DOCK4: variants seen among roughly 807,000 people sequenced by gnomAD.
DOCK4 encodes the protein dedicator of cytokinesis 4, also known as dedicator of cytokinesis protein 4.
In DOCK4, 97 loss-of-function variants were observed where a neutral mutation model predicts 268.1. That is an observed-to-expected ratio of 0.36 (90% CI 0.31 to 0.43). The LOEUF is 0.43. Among genes scored for constraint, DOCK4 ranks in the 20% least tolerant of loss-of-function variants. The probability of loss-of-function intolerance (pLI) is 1.00; values close to 1 mark genes in which losing one functional copy is unlikely to be tolerated. For synonymous variants in DOCK4, 954 were observed against 887.2 expected, an observed-to-expected ratio of 1.08 and a Z score of -1.34; for missense variants, 2,145 against 2,455.7, an observed-to-expected ratio of 0.87 and a Z score of 2.67.
intron 13 of DOCK4, among the ~76,000 whole-genome samples, chr7:111,902,261 A>C (rs1791206888): frequency 6.6e-6 from 1 of 152,232 alleles, no homozygotes; most frequent in Non-Finnish European, 1.5e-5. Context: ...AATCTTTTCC[A>C]AAATTCATGG....
rs184344958 is a variant in DOCK4 at position 112,017,510 on chromosome 7, C to T, written c.38-13379G>A. On this transcript the variant is annotated intron_variant, in intron 1 of 52. Coordinates refer to ENST00000428084, the MANE Select transcript of DOCK4 (RefSeq NM_001363540.2). The stretch of plus-strand genomic sequence containing the variant: ...AGAGAGGTCTTGGCAAATGTGGAGA[C>T]ACAATGAACATGAGCTGACTCTTCC... Among the ~76,000 whole-genome samples the T allele has an allele frequency of 2.4e-4, 37 of 152,304 alleles. 1 individual carries two copies. In the East Asian group the frequency reaches 7.1e-3, roughly 29 times the overall value.
intron 1 of DOCK4, among the ~76,000 whole-genome samples, chr7:112,067,854 CA>C (rs1261971811): frequency 6.6e-6 from 1 of 152,208 alleles, no homozygotes; most frequent in Non-Finnish European, 1.5e-5. Context: ...TCTATCAGCA[CA>C]AACCCTGGCT....
At chr7:112,171,174 C>T (rs1051041650) in intron 1 of DOCK4, among the ~76,000 whole-genome samples, 1 of 152,224 alleles carries the variant, frequency 6.6e-6, no homozygotes, top group Non-Finnish European at 1.5e-5. Flanking sequence ...TAAGCTTCCA[C>T]ATTTTCATAT....
At chr7:112,125,675 A>C (rs899649008) in intron 1 of DOCK4, among the ~76,000 whole-genome samples, 5 of 152,222 alleles carry the variant, frequency 3.3e-5, no homozygotes, top group Admixed American at 3.3e-4. Flanking sequence ...CTTATCTGAA[A>C]AACAGGTATT....
At chr7:111,862,451 C>A (rs1196609008) in intron 23 of DOCK4, among the ~76,000 whole-genome samples, 2 of 147,372 alleles carry the variant, frequency 1.4e-5, no homozygotes, top group Non-Finnish European at 3.0e-5. Context: ...AAAAATCATA[C>A]ATACACACAC....
chr7:111,835,915 C>T (rs1231178482), intron 25 of DOCK4, among the ~76,000 whole-genome samples: 2 of 152,114 alleles, frequency 1.3e-5, no homozygotes, highest in East Asian at 1.9e-4. Flanking sequence ...ATTTGCAACA[C>T]ACAGGTATGA....
In DOCK4 at chr7:112,057,407, C is replaced by T. The variant is rs575522153; in HGVS notation, c.38-53276G>A. Among the ~76,000 whole-genome samples, 36 of 151,942 alleles carry T rather than the reference C, an allele frequency of 2.4e-4. 2 individuals are homozygous for T. Among genetic ancestry groups the T allele is most frequent in the African/African-American group, 8.2e-4 (34 of 41,448 alleles). On this transcript the variant is annotated intron_variant, in intron 1 of 52. Coordinates refer to ENST00000428084, the MANE Select transcript of DOCK4 (RefSeq NM_001363540.2). Reference sequence around the variant, plus strand: ...CTCCACCAAAAATACAAAAAATTAGCGAGGCATTTGGCAGGTGCCTGTAGT... The same window carrying T: ...CTCCACCAAAAATACAAAAAATTAGTGAGGCATTTGGCAGGTGCCTGTAGT...
intron 35 of DOCK4, among the ~76,000 whole-genome samples, chr7:111,780,166 G>A (rs919650160): frequency 2.0e-5 from 3 of 152,178 alleles, no homozygotes; most frequent in Admixed American, 6.5e-5. Flanking sequence ...GCTATCAAAT[G>A]TACTTTCCGC....
chr7:112,033,914 A>G (rs1424384320), intron 1 of DOCK4, among the ~76,000 whole-genome samples: 1 of 152,252 alleles, frequency 6.6e-6, no homozygotes, highest in Admixed American at 6.5e-5. Context: ...ATACCTAGAA[A>G]TAAGAGTTCT....
intron 41 of DOCK4, 46 bp downstream of exon 41, chr7:111,758,578 C>A (rs548264647): frequency 6.2e-7 from 1 of 1,600,790 alleles, no homozygotes; most frequent in Admixed American, 1.7e-5. Context: ...CCAAGGGGCT[C>A]GCAGTCTATC....
intron 27 of DOCK4, among the ~76,000 whole-genome samples, chr7:111,818,579 C>G (rs577192499): frequency 6.6e-6 from 1 of 152,176 alleles, no homozygotes; most frequent in Non-Finnish European, 1.5e-5. Context: ...CATTGCTATC[C>G]GCCCGTCCAA....
chr7:111,908,897 T>C (rs561216784), intron 13 of DOCK4, among the ~76,000 whole-genome samples: 1 of 152,366 alleles, frequency 6.6e-6, no homozygotes, highest in African/African-American at 2.4e-5. Context: ...TTCCATGGTG[T>C]ATATGTGCCA....
chr7:111,983,718 C>T (rs997634413), intron 7 of DOCK4, among the ~76,000 whole-genome samples: 5 of 151,936 alleles, frequency 3.3e-5, no homozygotes, highest in Non-Finnish European at 2.9e-5. Context: ...GGATGATTCA[C>T]GGGCTTCAGT....
rs1170478071 is a variant in DOCK4 at position 111,834,704 on chromosome 7, A to AG, written c.2737-19_2737-18insC. 2 of 1,482,630 alleles carry AG rather than the reference A, an allele frequency of 1.3e-6. No individual in the cohort carries two copies. The highest frequency in any genetic ancestry group is 2.4e-5 in the Admixed American group (1 of 40,846). 91.8% of individuals were successfully genotyped at this position (1,482,630 alleles called of 1,614,324 possible). A position where few individuals can be genotyped will look rare whatever the true frequency, so the allele number is the denominator to read the frequency against. ...AACTCCCCCTAAGTTAAAAAAAAAAAAAGCATACATTTTATTTTTAGTAAG... is the reference window on the plus strand; with the variant it reads ...AACTCCCCCTAAGTTAAAAAAAAAAAGAAGCATACATTTTATTTTTAGTAAG... On this transcript the variant is annotated intron_variant, in intron 25 of 52. Transcript: ENST00000428084.
chr7:111,852,029 T>C (rs1804617674), intron 23 of DOCK4, among the ~76,000 whole-genome samples: 1 of 146,638 alleles, frequency 6.8e-6, no homozygotes, highest in Non-Finnish European at 1.5e-5. Flanking sequence ...AATGGCACGA[T>C]CTCGGCTCAC....
chr7:112,048,819 T>C (rs1489321295), intron 1 of DOCK4, among the ~76,000 whole-genome samples: 1 of 152,056 alleles, frequency 6.6e-6, no homozygotes, highest in Non-Finnish European at 1.5e-5. Context: ...GCAGGACATG[T>C]AGGTTTGTTA....
intron 44 of DOCK4, 98 bp downstream of exon 44, chr7:111,746,236 G>A: frequency 1.1e-6 from 1 of 938,144 alleles, no homozygotes; most frequent in South Asian, 1.6e-5. Context: ...GCCAGCTTCT[G>A]TTAGACCACT....
At chr7:111,976,209 T>TAC (rs1798170047) in intron 8 of DOCK4, among the ~76,000 whole-genome samples, 1 of 83,560 alleles carries the variant, frequency 1.2e-5, no homozygotes, top group Non-Finnish European at 2.3e-5. Flanking sequence ...CGCACATATG[T>TAC]GTGTGTGTGT....
intron 30 of DOCK4, among the ~76,000 whole-genome samples, chr7:111,796,756 G>T (rs1799923166): frequency 6.6e-6 from 1 of 152,174 alleles, no homozygotes; most frequent in Non-Finnish European, 1.5e-5. Flanking sequence ...GGCTCTCCAA[G>T]ATCCATTTTT....
Sources: gnomAD v4.1 joint callset for allele counts (sites outside exome capture counted in the v4.1 genomes callset) on GRCh38, gnomAD v4.1.1 for gene constraint, MANE v1.5 for transcripts, NCBI Gene and HGNC (gene_info 2026-07-23, HGNC 2026-07-21) for gene names.